Variants in MDFIC observed in about 807,000 individuals in gnomAD.
MDFIC encodes MyoD family inhibitor domain containing.
Under a neutral mutation model 23.2 loss-of-function variants are expected in MDFIC, and 17 were observed. The observed-to-expected ratio is 0.73, with a 90% CI of 0.50 to 1.10. MDFIC has a LOEUF of 1.10. MDFIC is among the 50% of genes least tolerant of loss of function. The pLI, the probability that MDFIC is intolerant of heterozygous loss-of-function variation, is 0.00. For missense variants in MDFIC, 356 were observed against 316.6 expected, an observed-to-expected ratio of 1.12 and a Z score of -0.95; for synonymous variants, 120 against 115.2, an observed-to-expected ratio of 1.04 and a Z score of -0.27.
chr7:115,002,657 G>A (rs1007331919), intron 4 of MDFIC, among the ~76,000 whole-genome samples: 3 of 152,062 alleles, frequency 2.0e-5, no homozygotes, highest in African/African-American at 7.2e-5. Context: ...TTTTCCTCAG[G>A]GTCTCTCCAC....
intron 3 of MDFIC, among the ~76,000 whole-genome samples, chr7:114,948,094 C>A (rs1241193097): frequency 1.3e-5 from 2 of 152,102 alleles, no homozygotes; most frequent in African/African-American, 4.8e-5. Flanking sequence ...TTAATAAATG[C>A]ATGATGACTT....
rs1791670277 is a variant in MDFIC at position 115,010,971 on chromosome 7, A to G, written c.494-4717A>G. Among the ~76,000 whole-genome samples the G allele has an allele frequency of 2.0e-5, 3 of 152,230 alleles. No homozygotes were observed. The South Asian group carries it at 6.2e-4, about 32-fold the overall frequency. On this transcript the variant is annotated intron_variant, in intron 4 of 4. Transcript: ENST00000393486. ...AAATGAAAATTCAGAATAATTTTTT[A>G]AAAAGAAAAGGAACACAAACCAAGG...
intron 2 of MDFIC, among the ~76,000 whole-genome samples, chr7:114,924,055 C>T (rs1792142822): frequency 6.6e-6 from 1 of 152,078 alleles, no homozygotes; most frequent in East Asian, 1.9e-4. Context: ...TTTCAAGCTG[C>T]AATAGGTAAA....
intron 4 of MDFIC, among the ~76,000 whole-genome samples, chr7:114,991,644 A>G (rs1791164269): frequency 6.6e-6 from 1 of 152,184 alleles, no homozygotes; most frequent in South Asian, 2.1e-4. Flanking sequence ...AGGTTTGTCA[A>G]AGATCACATG....
intron 4 of MDFIC, 72 bp downstream of exon 4, chr7:114,979,853 A>G: frequency 1.3e-6 from 2 of 1,518,308 alleles, no homozygotes; most frequent in South Asian, 1.2e-5. Flanking sequence ...TATTTGATCA[A>G]GCATATATAA....
At chr7:114,992,790 G>A (rs1196858220) in intron 4 of MDFIC, among the ~76,000 whole-genome samples, 4 of 152,118 alleles carry the variant, frequency 2.6e-5, no homozygotes, top group Non-Finnish European at 5.9e-5. Context: ...TGTTCATCAG[G>A]GATATTGGTC....
chr7:114,938,089 T>G (rs1439260626), intron 2 of MDFIC, among the ~76,000 whole-genome samples: 2 of 152,292 alleles, frequency 1.3e-5, no homozygotes, highest in Non-Finnish European at 2.9e-5. Flanking sequence ...CCCAAGTGGC[T>G]GAGATTGCAG....
Position 115,017,217 on chromosome 7 carries a change from A to G in MDFIC, c.*1282A>G, listed in dbSNP as rs1316559761. ...AAAAGCTATAAAGTTTAAATTAACT[A>G]AAAATATGCATTTTCTTACACATAA... On this transcript the variant is annotated 3_prime_UTR_variant, in exon 5 of 5. Coordinates refer to ENST00000393486, the MANE Select transcript of MDFIC (RefSeq NM_001166345.3). 2 of 152,322 alleles carry G rather than the reference A, an allele frequency of 1.3e-5. No individual in the cohort carries two copies. The highest frequency in any genetic ancestry group is 1.9e-4 in the East Asian group (1 of 5,182). The allele number at this position is 152,322 out of a possible 1,614,324, so 9.4% of individuals were successfully genotyped here. A position where few individuals can be genotyped will look rare whatever the true frequency, so the allele number is the denominator to read the frequency against.
intron 3 of MDFIC, among the ~76,000 whole-genome samples, chr7:114,945,514 G>T (rs149513416): frequency 3.3e-5 from 5 of 152,284 alleles, no homozygotes; most frequent in Non-Finnish European, 5.9e-5. Flanking sequence ...AAGACCTGGG[G>T]TATTATGGTT....
At chr7:114,950,379 T>C (rs1792741387) in intron 3 of MDFIC, among the ~76,000 whole-genome samples, 1 of 152,096 alleles carries the variant, frequency 6.6e-6, no homozygotes, top group Non-Finnish European at 1.5e-5. Context: ...ATAGTTGTGA[T>C]GAAATGACGG....
chr7:114,993,473 C>A (rs1791237367), intron 4 of MDFIC, among the ~76,000 whole-genome samples: 1 of 152,150 alleles, frequency 6.6e-6, no homozygotes, highest in South Asian at 2.1e-4. Context: ...TTCCTGCTTT[C>A]TCTTGTGGGC....
intron 2 of MDFIC, among the ~76,000 whole-genome samples, chr7:114,929,712 T>A (rs972542220): frequency 5.3e-5 from 8 of 152,136 alleles, no homozygotes; most frequent in Non-Finnish European, 2.9e-5. Flanking sequence ...AGAAACAGGG[T>A]GCATGGAAGA....
At chr7:114,965,818 C>T in intron 3 of MDFIC, among the ~76,000 whole-genome samples, 1 of 152,124 alleles carries the variant, frequency 6.6e-6, no homozygotes, top group Admixed American at 6.5e-5. Flanking sequence ...GTATCTTTCC[C>T]TACTTTGTTA....
rs1792115322 is a variant in MDFIC, at chr7:114,922,950, G to A, written c.-84G>A. 6.3e-7 allele frequency: 1 copy of A among 1,587,416 alleles called. No homozygotes were observed. ...AGAAGCAGTCAGTTCCCTGCACCCA[G>A]CACCTCACAGCCCTTCCTCCGTGCG... is the stretch of plus-strand genomic sequence containing the variant. On this transcript the variant is annotated 5_prime_UTR_variant, in exon 2 of 5. Coordinates refer to ENST00000393486, the MANE Select transcript of MDFIC (RefSeq NM_001166345.3).
chr7:115,004,195 T>C (rs1791522062), intron 4 of MDFIC, among the ~76,000 whole-genome samples: 1 of 152,196 alleles, frequency 6.6e-6, no homozygotes, highest in Admixed American at 6.5e-5. Context: ...AACCTCAGGT[T>C]CCTCATCTAT....
At chr7:114,963,803 T>C (rs935293153) in intron 3 of MDFIC, among the ~76,000 whole-genome samples, 1 of 152,114 alleles carries the variant, frequency 6.6e-6, no homozygotes, top group Admixed American at 6.6e-5. Context: ...TGGTCTTGAA[T>C]TCATGGCCTC....
Position 114,994,929 on chromosome 7 carries a change from A to G in MDFIC, c.493+15148A>G, listed in dbSNP as rs369227613. Among the ~76,000 whole-genome samples the G allele has an allele frequency of 3.3e-5, 5 of 152,342 alleles. No homozygotes were observed. In the East Asian group the frequency reaches 9.6e-4, roughly 29 times the overall value. ...GGTTGGGGATGTTCTCCTGGATAAT[A>G]TCCTGCAGAGTGTTTTCCAGCTTGG... On this transcript the variant is annotated intron_variant, in intron 4 of 4. Transcript: ENST00000393486.
intron 3 of MDFIC, among the ~76,000 whole-genome samples, chr7:114,951,750 G>T (rs1398820211): frequency 2.6e-5 from 4 of 152,034 alleles, no homozygotes; most frequent in Non-Finnish European, 5.9e-5. Flanking sequence ...CAAAATATCA[G>T]GGTGGGGTAC....
chr7:114,922,572 TC>T lies in MDFIC; in HGVS notation c.-170del. The stretch of plus-strand genomic sequence containing the variant: ...GCCGCTGCCGGAGGCTCGCTAACTT[TC>T]CGGGGCGGAAGAGGAGGAGGAGGAG... On this transcript the variant is annotated 5_prime_UTR_variant, in exon 1 of 5. Transcript: ENST00000393486. 1 of 1,267,758 alleles carries T rather than the reference TC, an allele frequency of 7.9e-7. No homozygotes were observed. Among genetic ancestry groups the T allele is most frequent in the South Asian group, 3.6e-5 (1 of 27,624 alleles). The allele number at this position is 1,267,758 out of a possible 1,614,324, so 78.5% of individuals were successfully genotyped here. A position where few individuals can be genotyped will look rare whatever the true frequency, so the allele number is the denominator to read the frequency against.
Sources: allele counts gnomAD v4.1 joint callset (sites outside exome capture counted in the v4.1 genomes callset), GRCh38; gene constraint gnomAD v4.1.1; transcripts MANE v1.5; gene names NCBI Gene and HGNC (gene_info 2026-07-23, HGNC 2026-07-21).